The following HSPBAP1 variants were observed in gnomAD, a reference collection of about 807,000 sequenced individuals.
The protein encoded by HSPBAP1 is HSPB1-associated protein 1.
In HSPBAP1, 27 loss-of-function variants were observed where a neutral mutation model predicts 45.2. That is an observed-to-expected ratio of 0.60 (90% CI 0.44 to 0.82). The LOEUF (loss-of-function observed/expected upper bound fraction) is 0.82. Among genes scored for constraint, HSPBAP1 ranks in the 40% least tolerant of loss-of-function variants. HSPBAP1 has a pLI of 0.00. For missense variants in HSPBAP1, 510 were observed against 590.9 expected (o/e 0.86, Z 1.42); for synonymous variants, 204 against 202.7 (o/e 1.01, Z -0.06).
intron 6 of HSPBAP1, among the ~76,000 whole-genome samples, chr3:122,742,384 T>C (rs927178455): frequency 3.3e-5 from 5 of 151,942 alleles, no homozygotes; most frequent in East Asian, 1.9e-4. Context: ...CACACCAGGA[T>C]AGTGCTAATA....
intron 2 of HSPBAP1, among the ~76,000 whole-genome samples, chr3:122,777,299 C>T (rs1935218846): frequency 6.6e-6 from 1 of 152,060 alleles, no homozygotes; most frequent in South Asian, 2.1e-4. Context: ...TAAATAGTGC[C>T]CGAAGCCACA....
intron 2 of HSPBAP1, among the ~76,000 whole-genome samples, chr3:122,775,070 A>G (rs1466968544): frequency 2.0e-5 from 3 of 152,194 alleles, no homozygotes; most frequent in African/African-American, 7.2e-5. Flanking sequence ...AATATTACGT[A>G]GCCATTGAAA....
At chr3:122,773,900 A>G (rs1935096995) in intron 2 of HSPBAP1, among the ~76,000 whole-genome samples, 1 of 152,168 alleles carries the variant, frequency 6.6e-6, no homozygotes, top group Non-Finnish European at 1.5e-5. Context: ...CAGCCTCCCA[A>G]AGAACTGGGA....
chr3:122,748,284 C>T (rs1292206811), intron 6 of HSPBAP1, among the ~76,000 whole-genome samples: 2 of 151,946 alleles, frequency 1.3e-5, no homozygotes, highest in Non-Finnish European at 2.9e-5. Context: ...AACCAGAGAC[C>T]TTTGTTCACT....
intron 5 of HSPBAP1, chr3:122,753,829 G>C (rs1451171519): frequency 1.0e-6 from 1 of 984,802 alleles, no homozygotes; most frequent in Non-Finnish European, 1.2e-6. Context: ...CTGGGTTTGA[G>C]TGGATTAAAG....
chr3:122,785,840 T>TATAGATAGATAGATAGATAGATAGATAG (rs60587307), intron 1 of HSPBAP1, among the ~76,000 whole-genome samples: 34 of 151,650 alleles, frequency 2.2e-4, no homozygotes, highest in Admixed American at 6.6e-4. Context: ...AGTAGCCAAA[T>TATAGATAGATAGATAGATAGATAGATAG]ATAGATAGAT....
intron 1 of HSPBAP1, among the ~76,000 whole-genome samples, chr3:122,783,288 T>C (rs772592894): frequency 6.6e-6 from 1 of 152,232 alleles, no homozygotes; most frequent in Non-Finnish European, 1.5e-5. Context: ...CAACTTTGCA[T>C]TCAAGTTCTT....
intron 6 of HSPBAP1, among the ~76,000 whole-genome samples, chr3:122,747,468 CCT>C (rs1933925684): frequency 6.6e-6 from 1 of 151,856 alleles, no homozygotes; most frequent in Non-Finnish European, 1.5e-5. Context: ...GGCCAGCCGC[CCT>C]GTCTGGGAGG....
chr3:122,762,409 T>C (rs556089392), intron 3 of HSPBAP1, among the ~76,000 whole-genome samples: 3 of 152,148 alleles, frequency 2.0e-5, no homozygotes, highest in South Asian at 2.1e-4. Flanking sequence ...ACAGAACCTG[T>C]ATCCATGGAA....
intron 1 of HSPBAP1, among the ~76,000 whole-genome samples, chr3:122,779,602 A>AGAT (rs911862143): frequency 6.6e-6 from 1 of 151,480 alleles, no homozygotes; most frequent in African/African-American, 2.4e-5. Flanking sequence ...GAAGGTCAGC[A>AGAT]GATAAACAAG....
At chr3:122,781,302 C>T (rs911270140) in intron 1 of HSPBAP1, among the ~76,000 whole-genome samples, 1 of 152,226 alleles carries the variant, frequency 6.6e-6, no homozygotes, top group East Asian at 1.9e-4. Flanking sequence ...CCTGCAATCC[C>T]GGCACCTCGG....
chr3:122,768,890 G>A lies in HSPBAP1; in HGVS notation c.251-8C>T, dbSNP rs368813814. 1.9e-6 allele frequency: 3 copies of A among 1,557,874 alleles called. No homozygotes were observed. The highest frequency in any genetic ancestry group is 2.6e-6 in the Non-Finnish European group (3 of 1,132,822). ...TAGTTTCAAACTGAGGAACTGCAATGTAAGAGAATGCAACCTTAAATGTAT... is the reference window on the plus strand; with the variant it reads ...TAGTTTCAAACTGAGGAACTGCAATATAAGAGAATGCAACCTTAAATGTAT... On this transcript the variant is annotated splice_polypyrimidine_tract_variant and splice_region_variant and intron_variant, in intron 2 of 7. Coordinates refer to ENST00000306103, the MANE Select transcript of HSPBAP1 (RefSeq NM_024610.6).
At chr3:122,785,866 T>C (rs1433401673) in intron 1 of HSPBAP1, among the ~76,000 whole-genome samples, 3 of 152,004 alleles carry the variant, frequency 2.0e-5, no homozygotes, top group African/African-American at 4.8e-5. Context: ...GATAGATAGA[T>C]AGGGAATATA....
chr3:122,753,248 G>A (rs1934224933), intron 5 of HSPBAP1: 7 of 232,642 alleles, frequency 3.0e-5, no homozygotes, highest in Non-Finnish European at 4.2e-5. Flanking sequence ...GACACAGAAA[G>A]AATGAGGACA....
chr3:122,746,798 G>T (rs1051638739), intron 6 of HSPBAP1, among the ~76,000 whole-genome samples: 1 of 152,126 alleles, frequency 6.6e-6, no homozygotes, highest in Non-Finnish European at 1.5e-5. Context: ...GATTGCAGGC[G>T]CGCGCCGCCA....
At chr3:122,766,289 T>C (rs565509951) in intron 3 of HSPBAP1, among the ~76,000 whole-genome samples, 1 of 152,184 alleles carries the variant, frequency 6.6e-6, no homozygotes, top group Non-Finnish European at 1.5e-5. Context: ...TTATGACAGA[T>C]ATAAGAAAGC....
chr3:122,784,655 A>G (rs1224295642), intron 1 of HSPBAP1, among the ~76,000 whole-genome samples: 1 of 152,194 alleles, frequency 6.6e-6, no homozygotes, highest in Non-Finnish European at 1.5e-5. Context: ...AGTAAGTCAG[A>G]TATGGTGAAG....
intron 6 of HSPBAP1, among the ~76,000 whole-genome samples, chr3:122,751,679 C>T (rs1360455345): frequency 6.6e-6 from 1 of 152,182 alleles, no homozygotes; most frequent in Non-Finnish European, 1.5e-5. Context: ...GGAAGTTCTC[C>T]ATGGATTCTA....
chr3:122,751,667 G>A (rs761700618), intron 6 of HSPBAP1, among the ~76,000 whole-genome samples: 10 of 152,222 alleles, frequency 6.6e-5, no homozygotes, highest in Admixed American at 2.0e-4. Context: ...GGCATTGGGA[G>A]TGGAAGTTCT....
Sources: allele counts gnomAD v4.1 joint callset (sites outside exome capture counted in the v4.1 genomes callset), GRCh38; gene constraint gnomAD v4.1.1; transcripts MANE v1.5; gene names NCBI Gene and HGNC (gene_info 2026-07-23, HGNC 2026-07-21).